Variants in PEX14 observed in about 807,000 individuals in gnomAD.
PEX14 encodes peroxisomal biogenesis factor 14.
Under a neutral mutation model 49.5 loss-of-function variants are expected in PEX14, and 15 were observed. That is an observed-to-expected ratio of 0.30 (90% CI 0.20 to 0.47). The LOEUF (loss-of-function observed/expected upper bound fraction) is 0.47, where lower values mean the gene tolerates loss of function less well. Ranked by LOEUF, PEX14 falls within the 20% of genes least tolerant of loss-of-function variation. PEX14 has a pLI of 1.00. For synonymous variants in PEX14, 210 were observed against 212.7 expected (o/e 0.99, Z 0.11); for missense variants, 398 against 494.8 (o/e 0.80, Z 1.86).
rs1454451750 is a variant in PEX14, at chr1:10,613,292, G to T, written c.299-5040G>T. ...GTCATGTTGGTTTTGTTGGTGTTCA[G>T]TGAATAGTTAGGAGCTGTGGGGATG... is the stretch of plus-strand genomic sequence containing the variant. On this transcript the variant is annotated intron_variant, in intron 4 of 8. Coordinates refer to ENST00000356607, the MANE Select transcript of PEX14 (RefSeq NM_004565.3). The surrounding 1 kb of genome is among the most constrained non-coding windows in gnomAD (Gnocchi z 5.0). Among the ~76,000 whole-genome samples the T allele has an allele frequency of 2.6e-5, 4 of 152,214 alleles. No individual in the cohort carries two copies. Among genetic ancestry groups the T allele is most frequent in the Non-Finnish European group, 4.4e-5 (3 of 68,048 alleles).
At chr1:10,509,081 C>T (rs994038206) in intron 2 of PEX14, among the ~76,000 whole-genome samples, 11 of 152,266 alleles carry the variant, frequency 7.2e-5, no homozygotes, top group Non-Finnish European at 8.8e-5. Context: ...GGACTACAGG[C>T]GCCCGCCGCC....
At chr1:10,479,364 A>G (rs1312738241) in intron 1 of PEX14, among the ~76,000 whole-genome samples, 1 of 151,890 alleles carries the variant, frequency 6.6e-6, no homozygotes, top group African/African-American at 2.4e-5. Context: ...GTGAGAGAGC[A>G]ATACCCTGTT....
chr1:10,562,450 C>A (rs1639677373), intron 3 of PEX14, among the ~76,000 whole-genome samples: 2 of 152,182 alleles, frequency 1.3e-5, no homozygotes, highest in South Asian at 4.1e-4. Flanking sequence ...TAATTTGGAA[C>A]AATGTCCTGC....
intron 1 of PEX14, among the ~76,000 whole-genome samples, chr1:10,475,508 C>G (rs900867599): frequency 6.6e-6 from 1 of 152,210 alleles, no homozygotes; most frequent in African/African-American, 2.4e-5. Context: ...CAGAAATAAT[C>G]TAGTCGAGCC....
intron 3 of PEX14, among the ~76,000 whole-genome samples, chr1:10,580,479 C>T (rs1276595281): frequency 3.9e-5 from 6 of 152,152 alleles, no homozygotes; most frequent in African/African-American, 1.4e-4. Context: ...CCTGCCTTGA[C>T]CTTTCAAAGT....
intron 1 of PEX14, among the ~76,000 whole-genome samples, chr1:10,491,995 T>A (rs1401156335): frequency 1.3e-5 from 2 of 152,142 alleles, no homozygotes; most frequent in African/African-American, 4.8e-5. Flanking sequence ...CCATGCTTCT[T>A]ATATGCTTTG....
chr1:10,571,773 C>T (rs1194918722), intron 3 of PEX14, among the ~76,000 whole-genome samples: 2 of 152,120 alleles, frequency 1.3e-5, no homozygotes, highest in African/African-American at 2.4e-5. Context: ...TGTGCCACTG[C>T]ACTCCAGCCC....
Position 10,630,259 on chromosome 1 carries a change from A to T in PEX14, c.*272A>T. Reference sequence around the variant, plus strand: ...TCTCAAGTCAGGCTGAAGGCAGCGAAGCCTCGGGGCCCAAGCCCCTCCCCA... The same window carrying T: ...TCTCAAGTCAGGCTGAAGGCAGCGATGCCTCGGGGCCCAAGCCCCTCCCCA... On this transcript the variant is annotated 3_prime_UTR_variant, in exon 9 of 9. Transcript: ENST00000356607. This position sits in a 1 kb window ranked among gnomAD's most constrained non-coding sequence, Gnocchi z 4.1. 1 of 571,474 alleles carries T rather than the reference A, an allele frequency of 1.7e-6. No homozygotes were observed. Among genetic ancestry groups the T allele is most frequent in the Non-Finnish European group, 3.1e-6 (1 of 322,044 alleles). The allele number at this position is 571,474 out of a possible 1,614,324, so 35.4% of individuals were successfully genotyped here. A position where few individuals can be genotyped will look rare whatever the true frequency, so the allele number is the denominator to read the frequency against.
chr1:10,563,056 T>C (rs1186874589), intron 3 of PEX14, among the ~76,000 whole-genome samples: 2 of 147,182 alleles, frequency 1.4e-5, no homozygotes, highest in Non-Finnish European at 3.0e-5. Flanking sequence ...GGATTACAGG[T>C]GCACACCACC....
At chr1:10,511,293 C>T (rs1473289617) in intron 2 of PEX14, among the ~76,000 whole-genome samples, 2 of 152,094 alleles carry the variant, frequency 1.3e-5, no homozygotes, top group Admixed American at 1.3e-4. Flanking sequence ...TTTCTCCTTT[C>T]TTTTCAGACT....
intron 3 of PEX14, among the ~76,000 whole-genome samples, chr1:10,542,529 A>T (rs796840589): frequency 4.6e-5 from 7 of 152,344 alleles, no homozygotes; most frequent in African/African-American, 1.7e-4. Context: ...CGGGAGGCAG[A>T]GGCGGGAGGA....
chr1:10,623,165 C>A lies in PEX14; in HGVS notation c.487+44C>A. On this transcript the variant is annotated intron_variant, in intron 6 of 8. Transcript: ENST00000356607. The surrounding 1 kb of genome is among the most constrained non-coding windows in gnomAD (Gnocchi z 4.4). ...ATCAAGTCACCCCTCACAGCCTTCT[C>A]CAAGCAGCCCCTTCTCTGCCCCTCC... The A allele has an allele frequency of 7.7e-7, 1 of 1,295,184 alleles. No homozygotes were observed. The highest frequency in any genetic ancestry group is 2.3e-5 in the East Asian group (1 of 42,816). The allele number at this position is 1,295,184 out of a possible 1,614,324, so 80.2% of individuals were successfully genotyped here.
chr1:10,624,580 C>G (rs768901264), intron 7 of PEX14, 143 bp downstream of exon 7: 11 of 690,862 alleles, frequency 1.6e-5, no homozygotes, highest in African/African-American at 3.5e-5. Flanking sequence ...GTGGCCGATG[C>G]TGCCCTTTCT....
chr1:10,596,281 T>A (rs1188520864), intron 3 of PEX14, among the ~76,000 whole-genome samples: 1 of 152,218 alleles, frequency 6.6e-6, no homozygotes, highest in East Asian at 1.9e-4. Context: ...TGACAGGCAT[T>A]TGGACTTGAT....
chr1:10,477,713 G>A (rs2124363510), intron 1 of PEX14, among the ~76,000 whole-genome samples: 1 of 152,208 alleles, frequency 6.6e-6, no homozygotes, highest in South Asian at 2.1e-4. Context: ...GCGGTTACAA[G>A]TATAGGCTCT....
In PEX14 at chr1:10,494,535, C is replaced by A. The variant is rs1641523275; in HGVS notation, c.37-739C>A. The stretch of plus-strand genomic sequence containing the variant: ...TTCTCTAAATTTTGGCCAGATCAGT[C>A]AAGGGTCGAAGGCGCCTGTGAGGGT... On this transcript the variant is annotated intron_variant, in intron 1 of 8. Transcript: ENST00000356607. The surrounding 1 kb of genome is among the most constrained non-coding windows in gnomAD (Gnocchi z 4.3). Among the ~76,000 whole-genome samples, 1 of 152,190 alleles carries A rather than the reference C, an allele frequency of 6.6e-6. No homozygotes were observed. The highest frequency in any genetic ancestry group is 1.5e-5 in the Non-Finnish European group (1 of 68,030).
intron 4 of PEX14, among the ~76,000 whole-genome samples, chr1:10,601,801 A>G (rs2124606754): frequency 6.6e-6 from 1 of 152,320 alleles, no homozygotes; most frequent in Middle Eastern, 3.4e-3. Flanking sequence ...CCAAAGGCTG[A>G]GTCTCCACAC....
chr1:10,483,251 G>C (rs1352053983), intron 1 of PEX14, among the ~76,000 whole-genome samples: 1 of 152,116 alleles, frequency 6.6e-6, no homozygotes, highest in East Asian at 1.9e-4. Context: ...GACCTCCTGG[G>C]CTCAAGTGAT....
At chr1:10,528,322 G>A (rs1464497026) in intron 2 of PEX14, 3 of 982,418 alleles carry the variant, frequency 3.1e-6, no homozygotes, top group African/African-American at 1.7e-5. Flanking sequence ...GGAAGCTGAA[G>A]CAGGGTTTCA....
Sources: gnomAD v4.1 joint callset for allele counts (sites outside exome capture counted in the v4.1 genomes callset) on GRCh38, gnomAD v4.1.1 for gene constraint, Gnocchi (gnomAD v3.1) non-coding constraint, MANE v1.5 for transcripts, NCBI Gene and HGNC (gene_info 2026-07-23, HGNC 2026-07-21) for gene names.